CTNNA1: variants seen among roughly 807,000 people sequenced by gnomAD.
CTNNA1 encodes the protein catenin alpha 1.
A neutral mutation model predicts 98.4 loss-of-function variants in CTNNA1; 37 were observed. That is an observed-to-expected ratio of 0.38 (90% CI 0.29 to 0.49). CTNNA1 has a LOEUF of 0.49. CTNNA1 is among the 20% of genes least tolerant of loss of function. CTNNA1 has a pLI of 0.95. For synonymous variants in CTNNA1, 404 were observed against 413.2 expected, an observed-to-expected ratio of 0.98 and a Z score of 0.27; for missense variants, 761 against 1,147.2, an observed-to-expected ratio of 0.66 and a Z score of 4.86.
chr5:138,866,322 A>ATTTG (rs1309590500), intron 7 of CTNNA1, among the ~76,000 whole-genome samples: 4 of 137,508 alleles, frequency 2.9e-5, no homozygotes, highest in African/African-American at 5.3e-5. Context: ...TTATTTATTT[A>ATTTG]TTTATTTTGG....
chr5:138,865,138 A>G (rs973667085), intron 7 of CTNNA1, among the ~76,000 whole-genome samples: 2 of 152,010 alleles, frequency 1.3e-5, no homozygotes, highest in East Asian at 3.9e-4. Flanking sequence ...TTTAAATTGT[A>G]CTCCTCGTGT....
At chr5:138,775,948 G>T (rs1446919623) in intron 1 of CTNNA1, among the ~76,000 whole-genome samples, 1 of 149,928 alleles carries the variant, frequency 6.7e-6, no homozygotes, top group Admixed American at 6.7e-5. Context: ...GGATGGTCTC[G>T]ATCTCCTGAC....
At chr5:138,855,402 T>C (rs547912033) in intron 7 of CTNNA1, among the ~76,000 whole-genome samples, 14 of 150,060 alleles carry the variant, frequency 9.3e-5, no homozygotes, top group South Asian at 2.1e-4. Context: ...TGTATAGATA[T>C]TAATATAATT....
At chr5:138,786,235 T>C (rs1755692418) in intron 3 of CTNNA1, among the ~76,000 whole-genome samples, 1 of 152,246 alleles carries the variant, frequency 6.6e-6, no homozygotes, top group African/African-American at 2.4e-5. Context: ...TCATCATTAT[T>C]GCATCAGATA....
rs145737560 is a variant in CTNNA1, at chr5:138,769,210, C to T, written c.-2-12713C>T. On this transcript the variant is annotated intron_variant, in intron 1 of 17. Coordinates refer to ENST00000302763, the MANE Select transcript of CTNNA1 (RefSeq NM_001903.5). The stretch of plus-strand genomic sequence containing the variant: ...CCTGGCTCCTTCTTGTTTTCCTGCT[C>T]AGTCTGGGTAACTTCTCAGACTCTA... Among the ~76,000 whole-genome samples, 5 of 152,034 alleles carry T rather than the reference C, an allele frequency of 3.3e-5. No individual in the cohort carries two copies. The East Asian group carries it at 9.7e-4, about 30-fold the overall frequency.
chr5:138,779,726 T>TG (rs1754836025), intron 1 of CTNNA1, among the ~76,000 whole-genome samples: 1 of 151,360 alleles, frequency 6.6e-6, no homozygotes, highest in African/African-American at 2.4e-5. Flanking sequence ...TGTTTTTGTT[T>TG]TTTTTTTGAG....
chr5:138,866,321 T>TA (rs1169242034), intron 7 of CTNNA1, among the ~76,000 whole-genome samples: 4 of 149,276 alleles, frequency 2.7e-5, no homozygotes, highest in African/African-American at 1.0e-4. Context: ...TTTATTTATT[T>TA]ATTTATTTTG....
chr5:138,832,755 A>G (rs1461100509), intron 7 of CTNNA1, among the ~76,000 whole-genome samples: 1 of 152,194 alleles, frequency 6.6e-6, no homozygotes, highest in Non-Finnish European at 1.5e-5. Flanking sequence ...ATATCCGTAG[A>G]ACTAGGTTTC....
intron 3 of CTNNA1, among the ~76,000 whole-genome samples, chr5:138,790,190 T>C (rs1756198728): frequency 6.6e-6 from 1 of 152,208 alleles, no homozygotes. Context: ...AAGAGAGAAT[T>C]GGCCAGTTGT....
intron 7 of CTNNA1, chr5:138,880,104 A>G (rs1411954120): frequency 2.0e-5 from 3 of 152,122 alleles, no homozygotes; most frequent in Admixed American, 2.0e-4. Context: ...TACTATTAAG[A>G]TGTTTTATTT....
At chr5:138,795,317 G>C (rs765154231) in intron 3 of CTNNA1, among the ~76,000 whole-genome samples, 2 of 151,992 alleles carry the variant, frequency 1.3e-5, no homozygotes, top group Non-Finnish European at 2.9e-5. Context: ...AATTAGCTGG[G>C]CGTGTTGGCG....
At chr5:138,842,737 ATTTG>A (rs1309452122) in intron 7 of CTNNA1, among the ~76,000 whole-genome samples, 1 of 152,202 alleles carries the variant, frequency 6.6e-6, no homozygotes, top group East Asian at 1.9e-4. Context: ...GGGTTAAGAA[ATTTG>A]TTTGAGTTTT....
chr5:138,812,186 G>A lies in CTNNA1; in HGVS notation c.472G>A (p.Glu158Lys). 1 of 1,613,160 alleles carries A rather than the reference G, an allele frequency of 6.2e-7. No homozygotes were observed. Among genetic ancestry groups the A allele is most frequent in the Non-Finnish European group, 8.5e-7 (1 of 1,179,606 alleles). ...YKLLVQLKVVEDGILKLRNAG... is the reference protein window; with the variant it reads ...YKLLVQLKVVKDGILKLRNAG... ...TGGGGTCTTTCTTATTTTATAGGTGGAAGATGGTATCTTGAAGTTGAGGAA... is the reference window on the plus strand; with the variant it reads ...TGGGGTCTTTCTTATTTTATAGGTGAAAGATGGTATCTTGAAGTTGAGGAA... The change falls in exon 5 of 18, where the codon GAA becomes AAA. Residue 158 changes from glutamate to lysine, a missense_variant. Glu to Lys is a moderately conservative substitution (Grantham distance 56, BLOSUM62 1). Coordinates refer to ENST00000302763, the MANE Select transcript of CTNNA1 (RefSeq NM_001903.5).
intron 5 of CTNNA1, among the ~76,000 whole-genome samples, chr5:138,822,109 G>A (rs1222282166): frequency 1.3e-5 from 2 of 152,100 alleles, no homozygotes; most frequent in Non-Finnish European, 2.9e-5. Flanking sequence ...TTGTAAATAG[G>A]AGTCTATCAG....
At chr5:138,858,128 ATT>A (rs71858446) in intron 7 of CTNNA1, among the ~76,000 whole-genome samples, 218 of 141,584 alleles carry the variant, frequency 1.5e-3, no homozygotes, top group East Asian at 1.9e-3. Context: ...GTTAAAAAAA[ATT>A]TTTTTTTTTT....
intron 9 of CTNNA1, 103 bp from the exon 10 acceptor site, chr5:138,904,246 C>CT: frequency 3.6e-6 from 5 of 1,391,338 alleles, no homozygotes; most frequent in Non-Finnish European, 4.8e-6. Flanking sequence ...CCTTGGTGCC[C>CT]TTGTCATCTG....
chr5:138,782,685 T>C (rs1755254671), intron 2 of CTNNA1, among the ~76,000 whole-genome samples: 1 of 152,208 alleles, frequency 6.6e-6, no homozygotes, highest in African/African-American at 2.4e-5. Flanking sequence ...GTAGGCTTCT[T>C]TGGGCAATCA....
chr5:138,806,471 C>T (rs1034599855), intron 3 of CTNNA1, among the ~76,000 whole-genome samples: 1 of 151,940 alleles, frequency 6.6e-6, no homozygotes, highest in Non-Finnish European at 1.5e-5. Context: ...TGTGCTTAAT[C>T]AAAGGTGATC....
At chr5:138,793,798 G>A (rs553643935) in intron 3 of CTNNA1, among the ~76,000 whole-genome samples, 10 of 152,252 alleles carry the variant, frequency 6.6e-5, no homozygotes, top group South Asian at 2.1e-4. Flanking sequence ...AATTAGTAAG[G>A]AAAATGAGAA....
Sources: allele counts gnomAD v4.1 joint callset (sites outside exome capture counted in the v4.1 genomes callset), GRCh38; gene constraint gnomAD v4.1.1; transcripts MANE v1.5; gene names NCBI Gene and HGNC (gene_info 2026-07-23, HGNC 2026-07-21).